Variants in EXOC4 observed in about 807,000 individuals in gnomAD.
EXOC4 encodes the protein exocyst complex component 4, also known as SEC8-like 1.
Under a neutral mutation model 107.2 loss-of-function variants are expected in EXOC4, and 71 were observed. The ratio of observed to expected loss-of-function variants is 0.66; its 90% CI spans 0.55 to 0.81. The LOEUF (loss-of-function observed/expected upper bound fraction) is 0.81, where lower values mean the gene tolerates loss of function less well. Ranked by LOEUF, EXOC4 falls within the 30% of genes least tolerant of loss-of-function variation. The pLI is 0.00. For synonymous variants in EXOC4, 456 were observed against 441.2 expected, an observed-to-expected ratio of 1.03 and a Z score of -0.42; for missense variants, 1,108 against 1,189.6, an observed-to-expected ratio of 0.93 and a Z score of 1.01.
chr7:133,361,444 C>A (rs1796134384), intron 6 of EXOC4, among the ~76,000 whole-genome samples: 1 of 152,126 alleles, frequency 6.6e-6, no homozygotes, highest in Admixed American at 6.5e-5. Flanking sequence ...CCACGCCCGG[C>A]TAATTTTTTG....
At chr7:133,414,736 A>G (rs746885551) in intron 7 of EXOC4, among the ~76,000 whole-genome samples, 4 of 152,146 alleles carry the variant, frequency 2.6e-5, no homozygotes, top group Admixed American at 1.3e-4. Flanking sequence ...GTGATTGTCT[A>G]TATTCTGTAT....
At chr7:134,081,747 T>C in the EXOC4 span, among the ~76,000 whole-genome samples, 1 of 152,118 alleles carries the variant, frequency 6.6e-6, no homozygotes, top group South Asian at 2.1e-4. Flanking sequence ...GACCTGCTAT[T>C]CAGTGAGATA....
At chr7:133,926,171 T>C (rs1800048053) in intron 13 of EXOC4, among the ~76,000 whole-genome samples, 1 of 152,072 alleles carries the variant, frequency 6.6e-6, no homozygotes, top group South Asian at 2.1e-4. Flanking sequence ...TTATTATTCC[T>C]ACTCAACATA....
At chr7:133,513,764 G>C in intron 9 of EXOC4, among the ~76,000 whole-genome samples, 1 of 152,188 alleles carries the variant, frequency 6.6e-6, no homozygotes, top group Non-Finnish European at 1.5e-5. Flanking sequence ...GACCTGAGGT[G>C]AGTAATAAGG....
At chr7:133,661,689 C>CAAAAAAAAAAAAAAAAAAAAAAAAA (rs869078453) in intron 10 of EXOC4, among the ~76,000 whole-genome samples, 1 of 23,626 alleles carries the variant, frequency 4.2e-5, no homozygotes, top group African/African-American at 1.7e-4. Flanking sequence ...AAAAAAAAAA[C>CAAAAAAAAAAAAAAAAAAAAAAAAA]AAAAAAAAAA....
At chr7:133,722,162 A>G (rs1562924093) in intron 10 of EXOC4, among the ~76,000 whole-genome samples, 1 of 152,256 alleles carries the variant, frequency 6.6e-6, no homozygotes, top group African/African-American at 2.4e-5. Flanking sequence ...CTTGCTAAAT[A>G]GGCTTTGCCC....
At chr7:133,384,777 G>A (rs1796690937) in intron 7 of EXOC4, among the ~76,000 whole-genome samples, 2 of 138,942 alleles carry the variant, frequency 1.4e-5, no homozygotes, top group African/African-American at 2.7e-5. Flanking sequence ...CAATGAGTAT[G>A]TCTGAATCCT....
intron 3 of EXOC4, among the ~76,000 whole-genome samples, chr7:133,295,319 T>C (rs1195202846): frequency 6.6e-6 from 1 of 152,140 alleles, no homozygotes; most frequent in Non-Finnish European, 1.5e-5. Flanking sequence ...TAGTCTTCTC[T>C]AACAATTCTG....
chr7:133,351,839 T>G (rs1179288744), intron 5 of EXOC4, among the ~76,000 whole-genome samples: 1 of 151,960 alleles, frequency 6.6e-6, no homozygotes, highest in East Asian at 1.9e-4. Context: ...TTTTTTGCTG[T>G]TTTTCCTGCA....
At chr7:133,689,431 C>T (rs1166982459) in intron 10 of EXOC4, among the ~76,000 whole-genome samples, 5 of 152,086 alleles carry the variant, frequency 3.3e-5, no homozygotes, top group Non-Finnish European at 2.9e-5. Flanking sequence ...GCGAATATGT[C>T]AAGGAGAAGT....
At chr7:134,059,723 C>T (rs776380630) in intron 17 of EXOC4, among the ~76,000 whole-genome samples, 5 of 152,058 alleles carry the variant, frequency 3.3e-5, no homozygotes, top group Non-Finnish European at 5.9e-5. Flanking sequence ...CTAAATATTT[C>T]AACTATAAGA....
At chr7:133,601,638 G>A (rs1438758326) in intron 9 of EXOC4, among the ~76,000 whole-genome samples, 1 of 152,174 alleles carries the variant, frequency 6.6e-6, no homozygotes, top group East Asian at 1.9e-4. Flanking sequence ...TCCCCTAGAA[G>A]TGGGAGTGGA....
At chr7:133,855,581 G>A (rs1798357469) in intron 11 of EXOC4, among the ~76,000 whole-genome samples, 1 of 152,080 alleles carries the variant, frequency 6.6e-6, no homozygotes, top group South Asian at 2.1e-4. Context: ...AAGTGCCTGT[G>A]TAGTGATGTA....
intron 12 of EXOC4, among the ~76,000 whole-genome samples, chr7:133,910,863 A>G (rs927918778): frequency 7.2e-5 from 11 of 152,308 alleles, no homozygotes; most frequent in African/African-American, 2.4e-4. Flanking sequence ...TCACCAAACA[A>G]TTGAATCCAA....
intron 10 of EXOC4, among the ~76,000 whole-genome samples, chr7:133,775,043 G>A (rs564280228): frequency 6.6e-5 from 10 of 152,258 alleles, no homozygotes; most frequent in Non-Finnish European, 1.5e-4. Flanking sequence ...CAGGTCTGCA[G>A]ATTTTAAAAA....
At chr7:133,547,014 G>A (rs891858301) in intron 9 of EXOC4, among the ~76,000 whole-genome samples, 1 of 152,056 alleles carries the variant, frequency 6.6e-6, no homozygotes, top group Non-Finnish European at 1.5e-5. Flanking sequence ...CAACATTATC[G>A]AAGGTGACAT....
At chr7:133,996,684 G>A (rs553353616) in intron 14 of EXOC4, among the ~76,000 whole-genome samples, 17 of 152,196 alleles carry the variant, frequency 1.1e-4, no homozygotes, top group Non-Finnish European at 1.8e-4. Flanking sequence ...GGTGTAAAGC[G>A]TCATGGCATC....
intron 12 of EXOC4, among the ~76,000 whole-genome samples, chr7:133,903,759 G>T (rs1055247609): frequency 6.6e-6 from 1 of 152,184 alleles, no homozygotes; most frequent in Admixed American, 6.5e-5. Flanking sequence ...AAAACTATGG[G>T]ACTAGATGAA....
intron 11 of EXOC4, among the ~76,000 whole-genome samples, chr7:133,889,562 T>TCCCTCCC (rs1168724661): frequency 8.7e-6 from 1 of 114,556 alleles, no homozygotes; most frequent in Non-Finnish European, 1.8e-5. Flanking sequence ...CCGAATGCTA[T>TCCCTCCC]CCCTCCCCCC....
Sources: gnomAD v4.1 joint callset for allele counts (sites outside exome capture counted in the v4.1 genomes callset) on GRCh38, gnomAD v4.1.1 for gene constraint, MANE v1.5 for transcripts, NCBI Gene and HGNC (gene_info 2026-07-23, HGNC 2026-07-21) for gene names.